GALNT17: variants seen among roughly 807,000 people sequenced by gnomAD.
The protein encoded by GALNT17 is polypeptide N-acetylgalactosaminyltransferase 17.
A neutral mutation model predicts 63.7 loss-of-function variants in GALNT17; 29 were observed. That is an observed-to-expected ratio of 0.46 (90% confidence interval 0.34 to 0.62). GALNT17 has a LOEUF of 0.62. Ranked by LOEUF, GALNT17 falls within the 20% of genes least tolerant of loss-of-function variation. The probability of loss-of-function intolerance (pLI) is 0.01; values close to 1 mark genes in which losing one functional copy is unlikely to be tolerated. For missense variants in GALNT17, 603 were observed against 799.6 expected, an observed-to-expected ratio of 0.75 and a Z score of 2.97; for synonymous variants, 305 against 318.3, an observed-to-expected ratio of 0.96 and a Z score of 0.45.
At chr7:71,195,832 C>T (rs1160200329) in intron 1 of GALNT17, among the ~76,000 whole-genome samples, 3 of 151,562 alleles carry the variant, frequency 2.0e-5, no homozygotes, top group African/African-American at 7.3e-5. Flanking sequence ...TACAGGCACC[C>T]AGCCGAGCCT....
intron 7 of GALNT17, among the ~76,000 whole-genome samples, chr7:71,668,795 C>T (rs1205982113): frequency 6.6e-6 from 1 of 152,094 alleles, no homozygotes; most frequent in Non-Finnish European, 1.5e-5. Context: ...TCCCTGTCAG[C>T]ACACAGCAGC....
chr7:71,204,349 T>C (rs1355269308), intron 1 of GALNT17, among the ~76,000 whole-genome samples: 2 of 152,182 alleles, frequency 1.3e-5, no homozygotes, highest in Non-Finnish European at 2.9e-5. Flanking sequence ...CCAGCTTTGT[T>C]TTGTTTGCAC....
At chr7:71,600,240 T>G (rs1161864152) in intron 6 of GALNT17, among the ~76,000 whole-genome samples, 5 of 139,080 alleles carry the variant, frequency 3.6e-5, no homozygotes, top group African/African-American at 1.2e-4. Context: ...GGAAGGCAAT[T>G]AGGGAAGGAA....
intron 1 of GALNT17, among the ~76,000 whole-genome samples, chr7:71,183,560 A>G (rs1455061869): frequency 1.3e-5 from 2 of 152,140 alleles, no homozygotes; most frequent in Admixed American, 6.5e-5. Context: ...GACGCCTTGG[A>G]GAATTCCCCA....
intron 1 of GALNT17, among the ~76,000 whole-genome samples, chr7:71,141,516 A>G (rs1322529925): frequency 2.0e-5 from 3 of 152,138 alleles, no homozygotes; most frequent in African/African-American, 7.2e-5. Flanking sequence ...GAAATTCAAA[A>G]TGTATAGCAT....
At chr7:71,293,239 A>T (rs1451187883) in intron 1 of GALNT17, among the ~76,000 whole-genome samples, 1 of 152,164 alleles carries the variant, frequency 6.6e-6, no homozygotes, top group Non-Finnish European at 1.5e-5. Context: ...TTGCTGGATC[A>T]TGTGATAGTT....
At chr7:71,286,072 A>G (rs73356008) in intron 1 of GALNT17, among the ~76,000 whole-genome samples, 6,968 of 152,290 alleles carry the variant, frequency 0.046, 538 homozygotes, top group African/African-American at 0.16. Flanking sequence ...GGGGAGAACT[A>G]TAACACAAGG....
At chr7:71,175,539 T>C (rs1423523844) in intron 1 of GALNT17, among the ~76,000 whole-genome samples, 2 of 151,958 alleles carry the variant, frequency 1.3e-5, no homozygotes, top group African/African-American at 2.4e-5. Flanking sequence ...GGGAGGAACA[T>C]GGAGGATGAA....
intron 5 of GALNT17, among the ~76,000 whole-genome samples, chr7:71,478,007 G>A (rs535051403): frequency 3.3e-5 from 5 of 152,152 alleles, no homozygotes; most frequent in South Asian, 2.1e-4. Context: ...GGCATTTACC[G>A]TGTCTACCCT....
chr7:71,407,083 T>C (rs6978227), intron 3 of GALNT17, among the ~76,000 whole-genome samples: 6,779 of 152,258 alleles, frequency 0.045, 344 homozygotes, highest in African/African-American at 0.13. Flanking sequence ...GAAGTTTCCA[T>C]TGGGGTGGAG....
chr7:71,483,245 C>T (rs887111036), intron 5 of GALNT17, among the ~76,000 whole-genome samples: 3 of 152,084 alleles, frequency 2.0e-5, no homozygotes, highest in Admixed American at 6.5e-5. Flanking sequence ...CCAAGGCAGG[C>T]GGATCACCTG....
intron 6 of GALNT17, among the ~76,000 whole-genome samples, chr7:71,631,781 G>A (rs933154251): frequency 3.9e-5 from 6 of 152,176 alleles, no homozygotes; most frequent in Non-Finnish European, 7.3e-5. Flanking sequence ...GCAATATTGG[G>A]ATGGTTAATT....
At chr7:71,360,779 C>A (rs2707429) in intron 2 of GALNT17, among the ~76,000 whole-genome samples, 4,778 of 152,108 alleles carry the variant, frequency 0.031, 245 homozygotes, top group African/African-American at 0.11. Flanking sequence ...CTAAAAAAAA[C>A]CCACAAAAAT....
intron 1 of GALNT17, among the ~76,000 whole-genome samples, chr7:71,253,228 G>T (rs1476668438): frequency 2.6e-5 from 4 of 152,136 alleles, no homozygotes; most frequent in African/African-American, 7.2e-5. Flanking sequence ...AGGTTTAATG[G>T]ACTCACAGTT....
chr7:71,524,277 T>TTATATTATATATAATTATA (rs1215471738), intron 5 of GALNT17, among the ~76,000 whole-genome samples: 236 of 147,676 alleles, frequency 1.6e-3, no homozygotes, highest in African/African-American at 5.5e-3. Flanking sequence ...TAATTATATA[T>TTATATTATATATAATTATA]TATCATATTA....
At chr7:71,571,196 C>T in intron 5 of GALNT17, 89 bp from the exon 6 acceptor site, 4 of 1,134,162 alleles carry the variant, frequency 3.5e-6, no homozygotes, top group Non-Finnish European at 4.0e-6. Flanking sequence ...ACATGCTAGA[C>T]CGGAACCAGT....
At chr7:71,616,545 A>G (rs1178421589) in intron 6 of GALNT17, among the ~76,000 whole-genome samples, 1 of 146,792 alleles carries the variant, frequency 6.8e-6, no homozygotes, top group Non-Finnish European at 1.5e-5. Flanking sequence ...ATATAAATAT[A>G]TAATAATTAC....
At chr7:71,711,804 TATC>T (rs1454506631) in intron 10 of GALNT17, among the ~76,000 whole-genome samples, 5 of 151,426 alleles carry the variant, frequency 3.3e-5, no homozygotes, top group Admixed American at 3.3e-4. Context: ...CTTCTGTCTC[TATC>T]TTCTCTCTTT....
At chr7:71,135,896 G>C (rs1280257662) in intron 1 of GALNT17, among the ~76,000 whole-genome samples, 1 of 152,200 alleles carries the variant, frequency 6.6e-6, no homozygotes, top group Non-Finnish European at 1.5e-5. Flanking sequence ...TGGGAAGGCT[G>C]AGTTTTCCTG....
Sources: gnomAD v4.1 joint callset for allele counts (sites outside exome capture counted in the v4.1 genomes callset) on GRCh38, gnomAD v4.1.1 for gene constraint, MANE v1.5 for transcripts, NCBI Gene and HGNC (gene_info 2026-07-23, HGNC 2026-07-21) for gene names.